Variants in WWOX observed in about 807,000 individuals in gnomAD.
The protein encoded by WWOX is WW domain containing oxidoreductase, also known as WW domain-containing oxidoreductase.
In WWOX, 69 loss-of-function variants were observed where a neutral mutation model predicts 46.2. The ratio of observed to expected loss-of-function variants is 1.49; its 90% CI spans 1.23 to 1.82. The LOEUF (loss-of-function observed/expected upper bound fraction) is 1.82. Among genes scored for constraint, WWOX ranks in the 40% most tolerant of loss-of-function variants. WWOX has a pLI of 0.00. For missense variants in WWOX, 919 were observed against 542.6 expected (o/e 1.69, Z -6.89); for synonymous variants, 359 against 202.6 (o/e 1.77, Z -6.56).
intron 8 of WWOX, among the ~76,000 whole-genome samples, chr16:79,031,048 G>T (rs1226872530): frequency 6.8e-6 from 1 of 148,010 alleles, no homozygotes; most frequent in Non-Finnish European, 1.5e-5. Context: ...AGCCGAGATC[G>T]AGTCACTGCA....
intron 8 of WWOX, among the ~76,000 whole-genome samples, chr16:78,487,771 T>C (rs1333991387): frequency 6.6e-6 from 1 of 152,148 alleles, no homozygotes; most frequent in African/African-American, 2.4e-5. Flanking sequence ...AAACTAGTGT[T>C]CCAGAGCTAC....
chr16:78,988,095 C>A (rs959335170), intron 8 of WWOX, among the ~76,000 whole-genome samples: 1 of 152,048 alleles, frequency 6.6e-6, no homozygotes, highest in South Asian at 2.1e-4. Context: ...GTAATACCAG[C>A]AGTTTGGGAG....
rs545879701 is a variant in WWOX, at chr16:78,932,001, G to A, written c.1057-279607G>A. 2.6e-5 allele frequency among the ~76,000 whole-genome samples: 4 copies of A among 152,326 alleles called. No individual in the cohort carries two copies. In the East Asian group the frequency reaches 7.7e-4, roughly 29 times the overall value. ...TCTTGCCTGCTGCCATTTAAGACAT[G>A]TGTTTGCTCCACATTGGCCTTCTGC... is the stretch of plus-strand genomic sequence containing the variant. On this transcript the variant is annotated intron_variant, in intron 8 of 8. Coordinates refer to ENST00000566780, the MANE Select transcript of WWOX (RefSeq NM_016373.4).
intron 5 of WWOX, among the ~76,000 whole-genome samples, chr16:78,249,365 G>A (rs34351028): frequency 0.049 from 7,489 of 152,248 alleles, 373 homozygotes; most frequent in East Asian, 0.26. Context: ...CCAGGCGTGG[G>A]CCAGAATGCC....
At chr16:79,119,072 AT>A (rs1555530321) in intron 8 of WWOX, among the ~76,000 whole-genome samples, 1 of 152,180 alleles carries the variant, frequency 6.6e-6, no homozygotes, top group Non-Finnish European at 1.5e-5. Context: ...GGTTGGGCAC[AT>A]TTTTTAAAGG....
At chr16:78,480,933 A>C (rs560394079) in intron 8 of WWOX, among the ~76,000 whole-genome samples, 2 of 152,374 alleles carry the variant, frequency 1.3e-5, no homozygotes, top group African/African-American at 4.8e-5. Context: ...CAGTGTTTGG[A>C]TATAGTTCTT....
intron 1 of WWOX, among the ~76,000 whole-genome samples, chr16:78,101,510 C>G (rs1004451709): frequency 2.0e-5 from 3 of 152,176 alleles, no homozygotes; most frequent in East Asian, 3.9e-4. Flanking sequence ...CCAGGCCTGG[C>G]TAATTTCGCG....
At chr16:79,077,157 G>T (rs759537442) in intron 8 of WWOX, among the ~76,000 whole-genome samples, 1 of 152,118 alleles carries the variant, frequency 6.6e-6, no homozygotes, top group Non-Finnish European at 1.5e-5. Context: ...AGAATTAATC[G>T]GAGCTCTAAA....
chr16:78,204,081 A>T (rs540911166), intron 5 of WWOX, among the ~76,000 whole-genome samples: 1 of 152,336 alleles, frequency 6.6e-6, no homozygotes, highest in African/African-American at 2.4e-5. Flanking sequence ...TGGTGAGGGC[A>T]CAGTCTGCCC....
chr16:78,823,979 G>A lies in WWOX; in HGVS notation c.1057-387629G>A, dbSNP rs1027593496. Among the ~76,000 whole-genome samples the A allele has an allele frequency of 2.6e-5, 4 of 151,864 alleles. No individual in the cohort carries two copies. The South Asian group carries it at 8.3e-4, about 32-fold the overall frequency. On this transcript the variant is annotated intron_variant, in intron 8 of 8. Coordinates refer to ENST00000566780, the MANE Select transcript of WWOX (RefSeq NM_016373.4). ...TATTGAGATGGGGTCTTCCTATGTT[G>A]CCCAGCCTGGTCTCAAACTTCTGGC... is the stretch of plus-strand genomic sequence containing the variant.
intron 8 of WWOX, among the ~76,000 whole-genome samples, chr16:78,830,247 G>A (rs934079913): frequency 1.3e-5 from 2 of 152,184 alleles, no homozygotes; most frequent in African/African-American, 4.8e-5. Context: ...GCATCTGAAT[G>A]ATATTTATAT....
intron 5 of WWOX, among the ~76,000 whole-genome samples, chr16:78,225,003 A>G (rs1597372243): frequency 6.6e-6 from 1 of 152,230 alleles, no homozygotes; most frequent in African/African-American, 2.4e-5. Flanking sequence ...AATGTTCAAG[A>G]CATTAACCTG....
At chr16:78,336,154 AT>A (rs1467404878) in intron 5 of WWOX, among the ~76,000 whole-genome samples, 1 of 151,938 alleles carries the variant, frequency 6.6e-6, no homozygotes, top group Non-Finnish European at 1.5e-5. Context: ...GGTGATGTTG[AT>A]GCTACTTGTC....
At chr16:78,131,536 T>C (rs2033592924) in intron 4 of WWOX, among the ~76,000 whole-genome samples, 1 of 152,088 alleles carries the variant, frequency 6.6e-6, no homozygotes, top group Admixed American at 6.5e-5. Context: ...AGTTTCTAAT[T>C]ATTTCTGTAT....
At chr16:78,787,288 C>T (rs1232030482) in intron 8 of WWOX, among the ~76,000 whole-genome samples, 1 of 152,174 alleles carries the variant, frequency 6.6e-6, no homozygotes, top group Non-Finnish European at 1.5e-5. Flanking sequence ...CCATCCCCCG[C>T]TAAAGAAACA....
intron 8 of WWOX, among the ~76,000 whole-genome samples, chr16:78,976,922 C>A (rs1399209090): frequency 6.6e-6 from 1 of 152,172 alleles, no homozygotes; most frequent in African/African-American, 2.4e-5. Flanking sequence ...TTTCTCAGGG[C>A]CATCAGAAAG....
intron 8 of WWOX, among the ~76,000 whole-genome samples, chr16:78,528,595 A>G (rs1237318759): frequency 6.6e-6 from 1 of 152,204 alleles, no homozygotes; most frequent in Non-Finnish European, 1.5e-5. Context: ...CATCGTTATA[A>G]TAAACACACA....
chr16:78,331,105 G>A (rs2080745537), intron 5 of WWOX, among the ~76,000 whole-genome samples: 1 of 151,950 alleles, frequency 6.6e-6, no homozygotes, highest in African/African-American at 2.4e-5. Flanking sequence ...TTCAAAGTCT[G>A]TTTTTTTAAC....
chr16:78,498,574 T>C (rs1472816147), intron 8 of WWOX, among the ~76,000 whole-genome samples: 1 of 152,152 alleles, frequency 6.6e-6, no homozygotes, highest in Non-Finnish European at 1.5e-5. Context: ...TAAAGGGTAA[T>C]GAGCAACACA....
Sources: gnomAD v4.1 joint callset for allele counts (sites outside exome capture counted in the v4.1 genomes callset) on GRCh38, gnomAD v4.1.1 for gene constraint, MANE v1.5 for transcripts, NCBI Gene and HGNC (gene_info 2026-07-23, HGNC 2026-07-21) for gene names.